Variants in ELAVL1 observed in about 807,000 individuals in gnomAD.
ELAVL1 encodes the protein ELAV like RNA binding protein 1, also known as ELAV-like protein 1.
ELAVL1 carries 1 observed loss-of-function variant against 28.4 expected under a neutral mutation model. The ratio of observed to expected loss-of-function variants is 0.04; its 90% confidence interval spans 0.01 to 0.17. The LOEUF (loss-of-function observed/expected upper bound fraction) is 0.17, where lower values mean the gene tolerates loss of function less well. ELAVL1 is among the 10% of genes least tolerant of loss of function. The probability of loss-of-function intolerance (pLI) is 1.00; values close to 1 mark genes in which losing one functional copy is unlikely to be tolerated. For missense variants in ELAVL1, 157 were observed against 447.2 expected (o/e 0.35, Z 5.85); for synonymous variants, 174 against 183.5 (o/e 0.95, Z 0.42).
chr19:7,990,177 C>T (rs1268893955), intron 2 of ELAVL1, among the ~76,000 whole-genome samples: 1 of 152,158 alleles, frequency 6.6e-6, no homozygotes, highest in African/African-American at 2.4e-5. Context: ...CGTGCGCCAC[C>T]ACGCCTGGCT....
rs544659549 is a variant in ELAVL1 at position 8,000,330 on chromosome 19, C to T, written c.-17+5165G>A. On this transcript the variant is annotated intron_variant, in intron 1 of 5. Coordinates refer to ENST00000407627, the MANE Select transcript of ELAVL1 (RefSeq NM_001419.3). The stretch of plus-strand genomic sequence containing the variant: ...TGACATCAGTGATGTTGTTCACATC[C>T]GTCGATCATCTAGCGCATATCCAGG... Among the ~76,000 whole-genome samples the T allele has an allele frequency of 1.3e-3, 192 of 152,238 alleles. 1 individual carries two copies. The highest frequency in any genetic ancestry group is 4.4e-3 in the African/African-American group (183 of 41,530).
At chr19:7,989,095 C>T (rs1320823471) in intron 2 of ELAVL1, among the ~76,000 whole-genome samples, 2 of 152,100 alleles carry the variant, frequency 1.3e-5, no homozygotes, top group East Asian at 1.9e-4. Context: ...TCAGATTCGC[C>T]GGGGTGCCTG....
chr19:7,978,380 G>T lies in ELAVL1; in HGVS notation c.276+2703C>A, dbSNP rs574569285. On this transcript the variant is annotated intron_variant, in intron 3 of 5. Transcript: ENST00000407627. ...GCGATACCGGCCTGACCTCCAGGGT[G>T]GGGGAGGGGAAAGGGGTGCTGGGGA... Among the ~76,000 whole-genome samples the T allele has an allele frequency of 3.9e-5, 6 of 152,132 alleles. No individual in the cohort carries two copies. The East Asian group carries it at 7.7e-4, about 20-fold the overall frequency.
chr19:7,975,052 C>A (rs759971357), intron 3 of ELAVL1, among the ~76,000 whole-genome samples: 1 of 152,160 alleles, frequency 6.6e-6, no homozygotes, highest in Non-Finnish European at 1.5e-5. Flanking sequence ...CCCATGAGGT[C>A]TCTGGGGAAG....
intron 4 of ELAVL1, among the ~76,000 whole-genome samples, chr19:7,970,565 G>GCCACGGC (rs1985079617): frequency 6.6e-6 from 1 of 152,186 alleles, no homozygotes; most frequent in Admixed American, 6.5e-5. Flanking sequence ...ACAGGCGTGA[G>GCCACGGC]CCACGGCCCC....
chr19:7,987,122 G>GT (rs951114025), intron 2 of ELAVL1, among the ~76,000 whole-genome samples: 10 of 149,410 alleles, frequency 6.7e-5, no homozygotes, highest in East Asian at 2.0e-4. Flanking sequence ...GTGCCGGGGG[G>GT]GGGGGAGGGT....
rs1984867508 is a variant in ELAVL1 at position 7,963,480 on chromosome 19, G to GA, written c.*2dup. The GA allele has an allele frequency of 6.2e-7, 1 of 1,600,738 alleles. No homozygotes were observed. The highest frequency in any genetic ancestry group is 1.3e-5 in the African/African-American group (1 of 74,552). ...ATTCCGTACAAAAAAAAGCATGAGC[G>GA]AGTTATTTGTGGGACTTGTTGGTTT... is the stretch of plus-strand genomic sequence containing the variant. On this transcript the variant is annotated 3_prime_UTR_variant, in exon 6 of 6. Coordinates refer to ENST00000407627, the MANE Select transcript of ELAVL1 (RefSeq NM_001419.3). This position sits in a 1 kb window ranked among gnomAD's most constrained non-coding sequence, Gnocchi z 4.5.
intron 2 of ELAVL1, among the ~76,000 whole-genome samples, chr19:7,990,108 C>T (rs574906170): frequency 6.6e-6 from 1 of 152,236 alleles, no homozygotes; most frequent in East Asian, 1.9e-4. Context: ...TTGCAACCTC[C>T]GCCTCCCAGG....
At chr19:7,973,510 G>A (rs143856808) in intron 4 of ELAVL1, 22 of 620,032 alleles carry the variant, frequency 3.5e-5, no homozygotes, top group East Asian at 3.1e-4. Context: ...GATTACAGGC[G>A]TGAGCCACCA....
At chr19:7,989,852 G>A (rs1985704863) in intron 2 of ELAVL1, among the ~76,000 whole-genome samples, 1 of 152,198 alleles carries the variant, frequency 6.6e-6, no homozygotes, top group Non-Finnish European at 1.5e-5. Flanking sequence ...TGCATCTGAA[G>A]AGCTAATTCC....
chr19:7,986,548 G>A (rs968042547), intron 2 of ELAVL1, among the ~76,000 whole-genome samples: 1 of 152,152 alleles, frequency 6.6e-6, no homozygotes, highest in South Asian at 2.1e-4. Context: ...CAGAAGGAAG[G>A]GTGAACTAAG....
chr19:7,964,534 T>C lies in ELAVL1; in HGVS notation c.657-727A>G, dbSNP rs540381739. 2.5e-3 allele frequency among the ~76,000 whole-genome samples: 373 copies of C among 152,042 alleles called. 2 individuals are homozygous for C. The highest frequency in any genetic ancestry group is 8.6e-3 in the African/African-American group (355 of 41,458). On this transcript the variant is annotated intron_variant, in intron 5 of 5. Transcript: ENST00000407627. ...TTCCACAGTGATACTTTTATTTACATAAAAAATAAGCCTTTCTGGGCCAGG... is the reference window on the plus strand; with the variant it reads ...TTCCACAGTGATACTTTTATTTACACAAAAAATAAGCCTTTCTGGGCCAGG...
chr19:7,963,820 G>C lies in ELAVL1; in HGVS notation c.657-13C>G, dbSNP rs1350511444. On this transcript the variant is annotated splice_polypyrimidine_tract_variant and intron_variant, in intron 5 of 5. Coordinates refer to ENST00000407627, the MANE Select transcript of ELAVL1 (RefSeq NM_001419.3). The surrounding 1 kb of genome is among the most constrained non-coding windows in gnomAD (Gnocchi z 4.5). ...CATGGGGGAGAACCTGGCAGACAGA[G>C]AGCAAGCGTCAGGCCACGGTCAGCG... The C allele has an allele frequency of 1.9e-6, 3 of 1,610,990 alleles. No individual in the cohort carries two copies. The highest frequency in any genetic ancestry group is 2.2e-5 in the East Asian group (1 of 44,826).
chr19:7,966,104 G>A (rs1415386735), intron 5 of ELAVL1, among the ~76,000 whole-genome samples: 1 of 152,116 alleles, frequency 6.6e-6, no homozygotes, highest in Non-Finnish European at 1.5e-5. Flanking sequence ...GGCTGAGGTA[G>A]GAGGATCACT....
chr19:7,968,171 G>A (rs1457027907), intron 4 of ELAVL1, among the ~76,000 whole-genome samples: 2 of 152,228 alleles, frequency 1.3e-5, no homozygotes, highest in African/African-American at 4.8e-5. Context: ...TGGGTGTGGT[G>A]TGTGGTTGGT....
At position 7,991,817 on chromosome 19, in the gene ELAVL1, G is replaced by A; in HGVS notation, c.-2C>T. 3 of 1,582,198 alleles carry A rather than the reference G, an allele frequency of 1.9e-6. No homozygotes were observed. The highest frequency in any genetic ancestry group is 1.2e-5 in the South Asian group (1 of 86,746). On this transcript the variant is annotated 5_prime_UTR_variant, in exon 2 of 6. Transcript: ENST00000407627. Reference sequence around the variant, plus strand: ...GTGGTCTTCATAACCATTAGACATTGTATTTTTCAAAAATCTGCCAAGAGA... The same window carrying A: ...GTGGTCTTCATAACCATTAGACATTATATTTTTCAAAAATCTGCCAAGAGA...
At chr19:7,983,299 T>C (rs1162724692) in intron 2 of ELAVL1, among the ~76,000 whole-genome samples, 1 of 152,042 alleles carries the variant, frequency 6.6e-6, no homozygotes, top group Non-Finnish European at 1.5e-5. Flanking sequence ...GATCGCAGCT[T>C]GGAGAACAAG....
At chr19:7,987,053 T>C (rs1599675110) in intron 2 of ELAVL1, among the ~76,000 whole-genome samples, 1 of 141,056 alleles carries the variant, frequency 7.1e-6, no homozygotes, top group Middle Eastern at 3.9e-3. Flanking sequence ...AGGACATTCC[T>C]GCAGAGGGAA....
In ELAVL1 at chr19:7,963,422, G is replaced by T; in HGVS notation, c.*61C>A. The T allele has an allele frequency of 1.3e-6, 2 of 1,536,428 alleles. No homozygotes were observed. The highest frequency in any genetic ancestry group is 1.8e-6 in the Non-Finnish European group (2 of 1,140,436). ...CGCAAAATGAGTTGTACACTAACAA[G>T]AAAAGTTTCAACTCCTTCACTCTTA... On this transcript the variant is annotated 3_prime_UTR_variant, in exon 6 of 6. Transcript: ENST00000407627. This position sits in a 1 kb window ranked among gnomAD's most constrained non-coding sequence, Gnocchi z 4.5.
Sources: allele counts gnomAD v4.1 joint callset (sites outside exome capture counted in the v4.1 genomes callset), GRCh38; gene constraint gnomAD v4.1.1; non-coding constraint Gnocchi (gnomAD v3.1); transcripts MANE v1.5; gene names NCBI Gene and HGNC (gene_info 2026-07-23, HGNC 2026-07-21).